The following CFAP410 variants were observed in gnomAD, a reference collection of about 807,000 sequenced individuals.
The protein encoded by CFAP410 is cilia- and flagella-associated protein 410.
A neutral mutation model predicts 25.7 loss-of-function variants in CFAP410; 27 were observed. The ratio of observed to expected loss-of-function variants is 1.05; its 90% CI spans 0.77 to 1.45. The LOEUF (loss-of-function observed/expected upper bound fraction) is 1.45, where lower values mean the gene tolerates loss of function less well. CFAP410 is among the 40% of genes most tolerant of loss of function. The pLI is 0.00. For synonymous variants in CFAP410, 178 were observed against 158.4 expected, an observed-to-expected ratio of 1.12 and a Z score of -0.93; for missense variants, 428 against 354.1, an observed-to-expected ratio of 1.21 and a Z score of -1.67.
rs923846932 is a variant in CFAP410, at chr21:44,330,136, C to A, written c.*62G>T. On this transcript the variant is annotated 3_prime_UTR_variant, in exon 7 of 7. Transcript: ENST00000339818. ...GGCCATGGCAGCCACCCTCCAGCTC[C>A]CGGGGGCTGGGGAAGACGCTGGGGT... The A allele has an allele frequency of 6.6e-7, 1 of 1,520,950 alleles. No homozygotes were observed. Among genetic ancestry groups the A allele is most frequent in the Middle Eastern group, 2.3e-4 (1 of 4,330 alleles). The allele number at this position is 1,520,950 out of a possible 1,614,324, so 94.2% of individuals were successfully genotyped here.
At chr21:44,338,313 T>G (rs996058973) in intron 1 of CFAP410, 1 of 1,289,288 alleles carries the variant, frequency 7.8e-7, no homozygotes, top group Non-Finnish European at 1.0e-6. Context: ...GTGAGGCCAG[T>G]TGACACGGCG....
intron 1 of CFAP410, chr21:44,338,268 G>C: frequency 7.8e-7 from 1 of 1,284,168 alleles, no homozygotes; most frequent in Non-Finnish European, 1.0e-6. Flanking sequence ...GGGAGGAAGC[G>C]TCTGCTCTCG....
chr21:44,334,689 C>A, intron 3 of CFAP410: 1 of 253,396 alleles, frequency 3.9e-6, no homozygotes, highest in South Asian at 4.0e-5. Flanking sequence ...CCAAGGTTAG[C>A]CAGCCAATAG....
intron 4 of CFAP410, chr21:44,332,228 A>C (rs993809081): frequency 4.1e-6 from 2 of 491,952 alleles, no homozygotes; most frequent in Non-Finnish European, 7.1e-6. Context: ...CAGATGGTGG[A>C]GGGCTGCTCA....
Position 44,329,667 on chromosome 21 carries a change from A to G in CFAP410, c.*531T>C, listed in dbSNP as rs1021769233. 6.5e-6 allele frequency: 1 copy of G among 152,812 alleles called. No homozygotes were observed. The highest frequency in any genetic ancestry group is 2.4e-5 in the African/African-American group (1 of 41,586). The allele number at this position is 152,812 out of a possible 1,614,324, so 9.5% of individuals were successfully genotyped here. A position where few individuals can be genotyped will look rare whatever the true frequency, so the allele number is the denominator to read the frequency against. On this transcript the variant is annotated 3_prime_UTR_variant, in exon 7 of 7. Coordinates refer to ENST00000339818, the MANE Select transcript of CFAP410 (RefSeq NM_004928.3). ...GGCCAAGAAAACAAAACTCTCTCCC[A>G]TGGGTGCGGGAGGCTGCTGCCTGCC... is the stretch of plus-strand genomic sequence containing the variant.
intron 2 of CFAP410, among the ~76,000 whole-genome samples, chr21:44,336,055 G>A (rs1351692581): frequency 3.9e-5 from 3 of 77,788 alleles, no homozygotes; most frequent in Non-Finnish European, 5.7e-5. Flanking sequence ...TGTGCCCAGG[G>A]TGAATGCCCA....
intron 3 of CFAP410, chr21:44,335,312 G>A (rs902763160): frequency 6.2e-5 from 12 of 194,902 alleles, no homozygotes; most frequent in Admixed American, 2.7e-4. Context: ...GTCATGGGGT[G>A]CAGAGAAACT....
chr21:44,331,362 G>C (rs1403825877), intron 5 of CFAP410: 1 of 254,036 alleles, frequency 3.9e-6, no homozygotes, highest in Non-Finnish European at 7.6e-6. Context: ...CCCAGCTTCT[G>C]TCAAATGCGT....
intron 5 of CFAP410, chr21:44,331,128 T>C (rs2047640273): frequency 3.4e-6 from 2 of 584,446 alleles, no homozygotes; most frequent in Admixed American, 3.1e-5. Flanking sequence ...ACTTCACCTG[T>C]GGGGCGCCCT....
rs1225222960 is a variant in CFAP410, at chr21:44,338,918, C to T, written c.77+200G>A. 207 of 93,754 alleles carry T rather than the reference C, an allele frequency of 2.2e-3. 8 individuals carry two copies. The highest frequency in any genetic ancestry group is 0.018 in the African/African-American group (177 of 9,936). The allele number at this position is 93,754 out of a possible 1,614,324, so 5.8% of individuals were successfully genotyped here. On this transcript the variant is annotated intron_variant, in intron 1 of 6. Coordinates refer to ENST00000339818, the MANE Select transcript of CFAP410 (RefSeq NM_004928.3). ...TCCCTCCGGCTCCGCCCTCTCCCCGCCCCGGCTCCGCCCTCTCCCCGCCCC... is the reference window on the plus strand; with the variant it reads ...TCCCTCCGGCTCCGCCCTCTCCCCGTCCCGGCTCCGCCCTCTCCCCGCCCC...
chr21:44,337,703 A>C (rs1454556369), intron 1 of CFAP410, 36 bp from the exon 2 acceptor site: 1 of 1,591,442 alleles, frequency 6.3e-7, no homozygotes, highest in South Asian at 1.1e-5. Context: ...TAATTTTGTT[A>C]AAGTTGAATA....
At position 44,330,051 on chromosome 21, in the gene CFAP410, C is replaced by T. The variant is rs1027896877; in HGVS notation, c.*147G>A. The T allele has an allele frequency of 5.7e-6, 5 of 874,778 alleles. No homozygotes were observed. Among genetic ancestry groups the T allele is most frequent in the South Asian group, 3.3e-5 (2 of 60,044 alleles). The allele number at this position is 874,778 out of a possible 1,614,324, so 54.2% of individuals were successfully genotyped here. A position where few individuals can be genotyped will look rare whatever the true frequency, so the allele number is the denominator to read the frequency against. ...CCCCGGTTAGCCAGTACCTAACACC[C>T]ACTCCTGCCCTCGGCCGATGTGGCA... On this transcript the variant is annotated 3_prime_UTR_variant, in exon 7 of 7. Coordinates refer to ENST00000339818, the MANE Select transcript of CFAP410 (RefSeq NM_004928.3).
chr21:44,330,067 C>T lies in CFAP410; in HGVS notation c.*131G>A, dbSNP rs1217727222. 29 of 1,088,180 alleles carry T rather than the reference C, an allele frequency of 2.7e-5. 1 individual carries two copies. The highest frequency in any genetic ancestry group is 6.1e-4 in the Middle Eastern group (2 of 3,280). The allele number at this position is 1,088,180 out of a possible 1,614,324, so 67.4% of individuals were successfully genotyped here. On this transcript the variant is annotated 3_prime_UTR_variant, in exon 7 of 7. Coordinates refer to ENST00000339818, the MANE Select transcript of CFAP410 (RefSeq NM_004928.3). ...CCTAACACCCACTCCTGCCCTCGGC[C>T]GATGTGGCAAACCGGGGAGGCTTTT...
chr21:44,338,468 C>G (rs1361935415), intron 1 of CFAP410: 5 of 421,762 alleles, frequency 1.2e-5, no homozygotes, highest in Admixed American at 2.7e-5. Context: ...CCCACCGCAC[C>G]CACGTCCCTT....
At chr21:44,334,654 A>G (rs886114950) in intron 3 of CFAP410, 2 of 268,008 alleles carry the variant, frequency 7.5e-6, no homozygotes, top group Admixed American at 5.1e-5. Flanking sequence ...AAGGAAACTG[A>G]GGCACAGAGA....
At chr21:44,330,496 C>A (rs546213819) in intron 6 of CFAP410, 170 bp from the exon 7 acceptor site, 2 of 1,543,208 alleles carry the variant, frequency 1.3e-6, no homozygotes, top group Admixed American at 2.0e-5. Flanking sequence ...AGAGGAGCCC[C>A]GCCTGTGGAC....
intron 4 of CFAP410, 155 bp downstream of exon 4, chr21:44,332,878 G>A: frequency 1.6e-6 from 1 of 623,278 alleles, no homozygotes; most frequent in South Asian, 2.0e-5. Context: ...AGACACAGAA[G>A]CCAGGGGAAC....
At position 44,330,258 on chromosome 21, in the gene CFAP410, C is replaced by G. The variant is rs772718835; in HGVS notation, c.711G>C (p.Gln237His). The change falls in exon 7 of 7, where the codon CAG becomes CAC. Residue 237 changes from glutamine to histidine, a missense_variant. By Grantham distance (24) the Gln-to-His change is conservative. Coordinates refer to ENST00000339818, the MANE Select transcript of CFAP410 (RefSeq NM_004928.3). Reference sequence around the variant, plus strand: ...GGGCCTGCAGCCGGCTGCCCACAGTCTGCTGCACGGCCTCCAGCCCCTCTG... The same window carrying G: ...GGGCCTGCAGCCGGCTGCCCACAGTGTGCTGCACGGCCTCCAGCCCCTCTG... ...LDAEGLEAVQ[Q>H]TVGSRLQALR... The G allele has an allele frequency of 8.1e-6, 13 of 1,601,912 alleles. No individual in the cohort carries two copies. The Admixed American group carries it at 2.0e-4, about 25-fold the overall frequency.
rs1436182359 is a variant in CFAP410, at chr21:44,335,774, C to G, written c.127G>C (p.Glu43Gln). 2 of 1,592,200 alleles carry G rather than the reference C, an allele frequency of 1.3e-6. No homozygotes were observed. Among genetic ancestry groups the G allele is most frequent in the Non-Finnish European group, 1.7e-6 (2 of 1,168,520 alleles). The part of the protein sequence containing the change: ...ISICQEMPSL[E>Q]VITLSVNSIS... Reference sequence around the variant, plus strand: ...GCGAGGTACCTGAGCGTGATCACCTCCAGGCTGGGCATCTCCTGGCAAATG... The same window carrying G: ...GCGAGGTACCTGAGCGTGATCACCTGCAGGCTGGGCATCTCCTGGCAAATG... Residue 43 changes from glutamate to glutamine, a missense_variant, in exon 3 of 7, where the codon GAG becomes CAG. Physicochemically the swap from Glu to Gln is conservative, Grantham distance 29. Transcript: ENST00000339818.
Sources: gnomAD v4.1 joint callset for allele counts (sites outside exome capture counted in the v4.1 genomes callset) on GRCh38, gnomAD v4.1.1 for gene constraint, MANE v1.5 for transcripts, NCBI Gene and HGNC (gene_info 2026-07-23, HGNC 2026-07-21) for gene names.